TENM3: variants seen among roughly 807,000 people sequenced by gnomAD.
TENM3 encodes teneurin-3.
TENM3 carries 63 observed loss-of-function variants against 255.1 expected under a neutral mutation model. The ratio of observed to expected loss-of-function variants is 0.25; its 90% CI spans 0.20 to 0.30. TENM3 has a LOEUF of 0.30. Ranked by LOEUF, TENM3 falls within the 10% of genes least tolerant of loss-of-function variation. TENM3 has a pLI of 1.00. For missense variants in TENM3, 2,929 were observed against 3,461.1 expected (o/e 0.85, Z 3.86); for synonymous variants, 1,306 against 1,322.3 (o/e 0.99, Z 0.27).
At chr4:181,926,242 G>T in the TENM3 span, among the ~76,000 whole-genome samples, 2 of 152,154 alleles carry the variant, frequency 1.3e-5, no homozygotes, top group African/African-American at 4.8e-5. Context: ...TACAGTGAAT[G>T]AAATATGAAT....
At chr4:181,546,846 T>TTTGC in the TENM3 span, among the ~76,000 whole-genome samples, 1 of 122,278 alleles carries the variant, frequency 8.2e-6, no homozygotes, top group African/African-American at 3.7e-5. Context: ...AGCTTCTTTT[T>TTTGC]TTGTTTTTTT....
chr4:182,665,293 C>T (rs4563534), intron 6 of TENM3, among the ~76,000 whole-genome samples: 36,029 of 152,068 alleles, frequency 0.24, 4,552 homozygotes, highest in Admixed American at 0.38. Flanking sequence ...CTGTTTACAA[C>T]GTGGCTACTA....
the TENM3 span, among the ~76,000 whole-genome samples, chr4:182,032,624 A>G: frequency 2.0e-5 from 3 of 152,196 alleles, no homozygotes; most frequent in Non-Finnish European, 2.9e-5. Flanking sequence ...TTTAGAGGAA[A>G]TGGTACCAGC....
intron 3 of TENM3, among the ~76,000 whole-genome samples, chr4:182,534,715 C>T (rs1580856565): frequency 6.6e-6 from 1 of 152,212 alleles, no homozygotes; most frequent in African/African-American, 2.4e-5. Context: ...ATAGAATTCA[C>T]TTCTACAGAA....
At chr4:181,489,569 T>G in the TENM3 span, among the ~76,000 whole-genome samples, 2 of 152,224 alleles carry the variant, frequency 1.3e-5, no homozygotes, top group Non-Finnish European at 2.9e-5. Flanking sequence ...CACTGTTTAT[T>G]TTAAGAAGTT....
chr4:182,202,547 C>T (rs1292967184), intron 1 of TENM3, among the ~76,000 whole-genome samples: 2 of 152,070 alleles, frequency 1.3e-5, no homozygotes, highest in Non-Finnish European at 2.9e-5. Flanking sequence ...TCAGGTCATC[C>T]ACCTGCCTCG....
At chr4:181,719,285 G>A in the TENM3 span, among the ~76,000 whole-genome samples, 2 of 151,920 alleles carry the variant, frequency 1.3e-5, no homozygotes, top group East Asian at 3.9e-4. Flanking sequence ...CAGGCATCAG[G>A]ATTCTCCTTA....
intron 1 of TENM3, among the ~76,000 whole-genome samples, chr4:182,165,768 AG>A (rs1466369767): frequency 2.0e-5 from 3 of 152,126 alleles, no homozygotes; most frequent in African/African-American, 7.2e-5. Flanking sequence ...GAAGCAGGGC[AG>A]GTGTAAAAGC....
At chr4:182,107,441 T>C in the TENM3 span, among the ~76,000 whole-genome samples, 2 of 152,192 alleles carry the variant, frequency 1.3e-5, no homozygotes, top group East Asian at 3.9e-4. Flanking sequence ...GCCTGGGCTG[T>C]TTGGTCAGTT....
At chr4:182,192,568 G>A (rs1753591855) in intron 1 of TENM3, among the ~76,000 whole-genome samples, 1 of 152,200 alleles carries the variant, frequency 6.6e-6, no homozygotes, top group African/African-American at 2.4e-5. Flanking sequence ...CTTACAACAT[G>A]TTGATTATTC....
the TENM3 span, among the ~76,000 whole-genome samples, chr4:181,784,138 T>G: frequency 2.0e-5 from 3 of 150,078 alleles, no homozygotes; most frequent in African/African-American, 7.3e-5. Flanking sequence ...TATTCTTTAC[T>G]CTAAATGGAA....
the TENM3 span, among the ~76,000 whole-genome samples, chr4:181,736,912 G>A: frequency 6.6e-6 from 1 of 152,086 alleles, no homozygotes; most frequent in Non-Finnish European, 1.5e-5. Flanking sequence ...GCTGCTAGGA[G>A]GAGAAGCCAG....
At chr4:181,903,189 A>T in the TENM3 span, among the ~76,000 whole-genome samples, 2 of 150,848 alleles carry the variant, frequency 1.3e-5, no homozygotes, top group South Asian at 4.2e-4. Flanking sequence ...TTGCTTTAAG[A>T]TCTACTTAAT....
chr4:182,737,353 A>G (rs1199961340), intron 17 of TENM3, among the ~76,000 whole-genome samples: 1 of 152,048 alleles, frequency 6.6e-6, no homozygotes, highest in Admixed American at 6.5e-5. Context: ...TTCTCCCCCC[A>G]TGTTTCTTTC....
At chr4:181,587,485 T>C in the TENM3 span, among the ~76,000 whole-genome samples, 5 of 152,208 alleles carry the variant, frequency 3.3e-5, no homozygotes, top group Non-Finnish European at 5.9e-5. Flanking sequence ...TAATACTTCA[T>C]AGCACTACCT....
chr4:181,562,014 G>A, the TENM3 span, among the ~76,000 whole-genome samples: 7 of 152,110 alleles, frequency 4.6e-5, no homozygotes, highest in East Asian at 7.7e-4. Context: ...ATTTTGTGAC[G>A]TTGATCACTT....
chr4:182,343,773 A>G (rs190422467), intron 2 of TENM3, among the ~76,000 whole-genome samples: 1 of 152,292 alleles, frequency 6.6e-6, no homozygotes, highest in African/African-American at 2.4e-5. Context: ...CTAGATTGCA[A>G]GAAATAATCG....
the TENM3 span, among the ~76,000 whole-genome samples, chr4:181,593,246 G>A: frequency 1.3e-5 from 2 of 152,140 alleles, no homozygotes; most frequent in African/African-American, 2.4e-5. Flanking sequence ...TCTATTTTAC[G>A]ATTAGGAAGT....
Position 182,536,337 on chromosome 4 carries a change from T to A in TENM3, c.512-64587T>A, listed in dbSNP as rs142367912. 4.7e-3 allele frequency among the ~76,000 whole-genome samples: 715 copies of A among 152,368 alleles called. 6 individuals carry two copies. The highest frequency in any genetic ancestry group is 0.016 in the African/African-American group (683 of 41,592). Reference sequence around the variant, plus strand: ...AGTCTTTCTTCTATCAGTGTGGCCATGTTCTAGCAGTAGGACTGAAGACCA... The same window carrying A: ...AGTCTTTCTTCTATCAGTGTGGCCAAGTTCTAGCAGTAGGACTGAAGACCA... On this transcript the variant is annotated intron_variant, in intron 3 of 27. Transcript: ENST00000511685.
Sources: gnomAD v4.1 joint callset for allele counts (sites outside exome capture counted in the v4.1 genomes callset) on GRCh38, gnomAD v4.1.1 for gene constraint, MANE v1.5 for transcripts, NCBI Gene and HGNC (gene_info 2026-07-23, HGNC 2026-07-21) for gene names.